Variants in BATF3 observed in about 807,000 individuals in gnomAD.
BATF3 encodes basic leucine zipper ATF-like transcription factor 3.
A neutral mutation model predicts 16.1 loss-of-function variants in BATF3; 8 were observed. The observed-to-expected ratio is 0.50, with a 90% confidence interval of 0.29 to 0.90. BATF3 has a LOEUF of 0.90. Among genes scored for constraint, BATF3 ranks in the 40% least tolerant of loss-of-function variants. The pLI, the probability that BATF3 is intolerant of heterozygous loss-of-function variation, is 0.08. For synonymous variants in BATF3, 74 were observed against 72.7 expected (o/e 1.02, Z -0.09); for missense variants, 139 against 167.0 (o/e 0.83, Z 0.92).
At position 212,686,629 on chromosome 1, in the gene BATF3, G is replaced by A. The variant is rs1439344057; in HGVS notation, c.*162C>T. On this transcript the variant is annotated 3_prime_UTR_variant, in exon 3 of 3. Coordinates refer to ENST00000243440, the MANE Select transcript of BATF3 (RefSeq NM_018664.3). ...GTGAGTTTGGCGCCTGTTGGATGTC[G>A]GGCTGAGCCCAGTCTGCAGGGAACA... The A allele has an allele frequency of 2.7e-5, 33 of 1,235,716 alleles. No homozygotes were observed. The highest frequency in any genetic ancestry group is 7.6e-5 in the African/African-American group (5 of 65,986). 76.5% of individuals were successfully genotyped at this position (1,235,716 alleles called of 1,614,324 possible). A position where few individuals can be genotyped will look rare whatever the true frequency, so the allele number is the denominator to read the frequency against.
chr1:212,687,139 T>C (rs1571831351), intron 2 of BATF3, among the ~76,000 whole-genome samples, 160 bp from the exon 3 acceptor site: 1 of 152,144 alleles, frequency 6.6e-6, no homozygotes, highest in East Asian at 1.9e-4. Context: ...GATGAGTGTC[T>C]CCCCCCTCCC....
intron 2 of BATF3, among the ~76,000 whole-genome samples, chr1:212,696,122 AT>A (rs1476925392): frequency 6.6e-6 from 1 of 151,544 alleles, no homozygotes; most frequent in Non-Finnish European, 1.5e-5. Flanking sequence ...AGATTAATAG[AT>A]TAAGTCTTCC....
In BATF3 at chr1:212,686,925, G is replaced by A; in HGVS notation, c.250C>T (p.Leu84=). 6.2e-7 allele frequency: 1 copy of A among 1,614,110 alleles called. No individual in the cohort carries two copies. Among genetic ancestry groups the A allele is most frequent in the Non-Finnish European group, 8.5e-7 (1 of 1,179,952 alleles). The part of the protein sequence containing the change: ...NTMLRREIGK[L]TEELKHLTEA... ...GTCAGGTGCTTCAGCTCCTCTGTCA[G>A]CTTCCCGATCTCTCTCCGCAGCATG... The change falls in exon 3 of 3, where the codon CTG becomes TTG. Residue 84 remains leucine (L), a synonymous_variant. Transcript: ENST00000243440.
chr1:212,686,956 T>G lies in BATF3; in HGVS notation c.219A>C (p.Glu73Asp), dbSNP rs746431629. 6 of 1,607,106 alleles carry G rather than the reference T, an allele frequency of 3.7e-6. No individual in the cohort carries two copies. In the East Asian group the frequency reaches 1.3e-4, roughly 36 times the overall value. ...LHEEYESLEQ[E>D]NTMLRREIGK... ...CGATCTCTCTCCGCAGCATGGTGTT[T>G]TCTTGCTCCAGGCTCTCATATTCCT... Residue 73 changes from glutamate to aspartate, a missense_variant, in exon 3 of 3, where the codon GAA (glutamate) becomes GAC (aspartate). Coordinates refer to ENST00000243440, the MANE Select transcript of BATF3 (RefSeq NM_018664.3).
In BATF3 at chr1:212,689,157, A is replaced by G. The variant is rs1656934306; in HGVS notation, c.196-2178T>C. ...TATGAAGTAATGTCTCCCCCCAAAG[A>G]TCAGAAATGTAAAGGACCTAGGAAC... is the stretch of plus-strand genomic sequence containing the variant. On this transcript the variant is annotated intron_variant, in intron 2 of 2. Coordinates refer to ENST00000243440, the MANE Select transcript of BATF3 (RefSeq NM_018664.3). The surrounding 1 kb of genome is among the most constrained non-coding windows in gnomAD (Gnocchi z 4.6). 1.3e-5 allele frequency among the ~76,000 whole-genome samples: 2 copies of G among 152,092 alleles called. No individual in the cohort carries two copies. Among genetic ancestry groups the G allele is most frequent in the African/African-American group, 4.8e-5 (2 of 41,410 alleles).
In BATF3 at chr1:212,699,624, G is replaced by A. The variant is rs1657220848; in HGVS notation, c.90+49C>T. The A allele has an allele frequency of 1.6e-6, 2 of 1,246,112 alleles. No homozygotes were observed. The highest frequency in any genetic ancestry group is 3.2e-5 in the East Asian group (1 of 31,426). 77.2% of individuals were successfully genotyped at this position (1,246,112 alleles called of 1,614,324 possible). A position where few individuals can be genotyped will look rare whatever the true frequency, so the allele number is the denominator to read the frequency against. ...CACCCACCTCCTCGCCCCCCGCGGC[G>A]CGCCGGTCCCCGCACCCCACGGCCC... On this transcript the variant is annotated intron_variant, in intron 1 of 2. Transcript: ENST00000243440. The surrounding 1 kb of genome is among the most constrained non-coding windows in gnomAD (Gnocchi z 4.4).
At chr1:212,697,199 C>A (rs1002192465) in intron 1 of BATF3, 134 bp from the exon 2 acceptor site, 8 of 677,082 alleles carry the variant, frequency 1.2e-5, no homozygotes, top group Admixed American at 7.1e-5. Context: ...AGTTGCTATA[C>A]CAATGGGCTC....
At chr1:212,694,522 T>C (rs1657081116) in intron 2 of BATF3, among the ~76,000 whole-genome samples, 1 of 152,230 alleles carries the variant, frequency 6.6e-6, no homozygotes, top group Non-Finnish European at 1.5e-5. Flanking sequence ...AGATACGTAT[T>C]CAGTCCAGAT....
Position 212,699,682 on chromosome 1 carries a change from C to T in BATF3, c.81G>A (p.Pro27=). ...GCCTCTCGCCCTCTACCTGCTGCTG[C>T]GGCTGCGGCTGCGGCTGGTTCCCGG... ...AAPGNQPQPQ[P]QQQSPEDDDR... is the part of the protein sequence containing the mutation. The change falls in exon 1 of 3, where the codon CCG becomes CCA. Residue 27 remains proline (P), a synonymous_variant. Coordinates refer to ENST00000243440, the MANE Select transcript of BATF3 (RefSeq NM_018664.3). The surrounding 1 kb of genome is among the most constrained non-coding windows in gnomAD (Gnocchi z 4.4). The T allele has an allele frequency of 7.5e-7, 1 of 1,341,754 alleles. No individual in the cohort carries two copies. The highest frequency in any genetic ancestry group is 9.6e-7 in the Non-Finnish European group (1 of 1,042,224). 83.1% of individuals were successfully genotyped at this position (1,341,754 alleles called of 1,614,324 possible). A position where few individuals can be genotyped will look rare whatever the true frequency, so the allele number is the denominator to read the frequency against.
intron 2 of BATF3, among the ~76,000 whole-genome samples, chr1:212,687,936 A>G (rs191285682): frequency 7.9e-5 from 12 of 151,010 alleles, no homozygotes; most frequent in African/African-American, 2.2e-4. Flanking sequence ...CAAAAAAACA[A>G]AAAGAGGAAG....
At chr1:212,692,884 T>C (rs1429441678) in intron 2 of BATF3, among the ~76,000 whole-genome samples, 3 of 152,240 alleles carry the variant, frequency 2.0e-5, no homozygotes, top group African/African-American at 7.2e-5. Flanking sequence ...AGAAAGCCCT[T>C]TGATGCGCTA....
intron 2 of BATF3, among the ~76,000 whole-genome samples, chr1:212,692,561 C>T (rs1202770469): frequency 6.6e-6 from 1 of 152,128 alleles, no homozygotes; most frequent in African/African-American, 2.4e-5. Context: ...CCTCAGCCTC[C>T]CGAGTAGTTG....
chr1:212,690,310 C>A (rs2102401141), intron 2 of BATF3, among the ~76,000 whole-genome samples: 1 of 152,326 alleles, frequency 6.6e-6, no homozygotes, highest in Middle Eastern at 3.4e-3. Flanking sequence ...AGCCCTGTGG[C>A]CTGAGGCTTC....
chr1:212,694,760 G>C (rs931564743), intron 2 of BATF3, among the ~76,000 whole-genome samples: 1 of 152,158 alleles, frequency 6.6e-6, no homozygotes, highest in African/African-American at 2.4e-5. Flanking sequence ...AGGAGGCAAA[G>C]GGCATTGCCG....
intron 2 of BATF3, among the ~76,000 whole-genome samples, chr1:212,690,516 G>A (rs1656977176): frequency 6.6e-6 from 1 of 152,218 alleles, no homozygotes; most frequent in African/African-American, 2.4e-5. Context: ...ATCTTTAGGT[G>A]AGACGAGCCC....
At chr1:212,691,687 A>G (rs933095674) in intron 2 of BATF3, among the ~76,000 whole-genome samples, 1 of 152,248 alleles carries the variant, frequency 6.6e-6, no homozygotes, top group Non-Finnish European at 1.5e-5. Flanking sequence ...GTCATTTGTC[A>G]GTTTGTGACA....
At position 212,697,102 on chromosome 1, in the gene BATF3, C is replaced by G. The variant is rs778898241; in HGVS notation, c.91-37G>C. On this transcript the variant is annotated intron_variant, in intron 1 of 2. Coordinates refer to ENST00000243440, the MANE Select transcript of BATF3 (RefSeq NM_018664.3). ...CACTGGGTGGGTGTGATGTCGTGGC[C>G]CCTCGCCTTACCCTTTTCTGCCCTG... is the stretch of plus-strand genomic sequence containing the variant. The G allele has an allele frequency of 3.2e-6, 5 of 1,546,720 alleles. No homozygotes were observed. The African/African-American group carries it at 6.8e-5, about 21-fold the overall frequency.
intron 2 of BATF3, 105 bp downstream of exon 2, chr1:212,696,856 T>C (rs190585765): frequency 2.7e-5 from 22 of 822,908 alleles, no homozygotes; most frequent in African/African-American, 2.5e-4. Flanking sequence ...AAATTAGATA[T>C]GAGTGTTGCT....
chr1:212,699,826 T>C lies in BATF3; in HGVS notation c.-64A>G. 1.1e-6 allele frequency: 1 copy of C among 942,478 alleles called. No homozygotes were observed. Among genetic ancestry groups the C allele is most frequent in the South Asian group, 5.4e-5 (1 of 18,558 alleles). The allele number at this position is 942,478 out of a possible 1,614,324, so 58.4% of individuals were successfully genotyped here. A position where few individuals can be genotyped will look rare whatever the true frequency, so the allele number is the denominator to read the frequency against. Reference sequence around the variant, plus strand: ...CGCGCGCCCTGCCCGTGGGGCTGCCTACGGGCGCTGTCCCGCCGCCGGCAT... The same window carrying C: ...CGCGCGCCCTGCCCGTGGGGCTGCCCACGGGCGCTGTCCCGCCGCCGGCAT... On this transcript the variant is annotated 5_prime_UTR_variant, in exon 1 of 3. Transcript: ENST00000243440. The surrounding 1 kb of genome is among the most constrained non-coding windows in gnomAD (Gnocchi z 4.4).
Sources: gnomAD v4.1 joint callset for allele counts (sites outside exome capture counted in the v4.1 genomes callset) on GRCh38, gnomAD v4.1.1 for gene constraint, Gnocchi (gnomAD v3.1) non-coding constraint, MANE v1.5 for transcripts, NCBI Gene and HGNC (gene_info 2026-07-23, HGNC 2026-07-21) for gene names.